The following FBXL7 variants were observed in gnomAD, a reference collection of about 807,000 sequenced individuals.
The protein encoded by FBXL7 is F-box/LRR-repeat protein 7.
A neutral mutation model predicts 38.3 loss-of-function variants in FBXL7; 12 were observed. The ratio of observed to expected loss-of-function variants is 0.31; its 90% confidence interval spans 0.20 to 0.51. The LOEUF is 0.51. FBXL7 is among the 20% of genes least tolerant of loss of function. FBXL7 has a pLI of 0.98. For missense variants in FBXL7, 567 were observed against 676.4 expected (o/e 0.84, Z 1.79); for synonymous variants, 297 against 300.9 (o/e 0.99, Z 0.13).
intron 1 of FBXL7, among the ~76,000 whole-genome samples, chr5:15,541,443 G>GTATATATATATATATATATA (rs56810372): frequency 2.6e-5 from 1 of 38,424 alleles, no homozygotes; most frequent in African/African-American, 9.4e-5. Flanking sequence ...GTGTGTGTGT[G>GTATATATATATATATATATA]TATATATATA....
At chr5:15,689,583 A>G (rs1743121688) in intron 2 of FBXL7, among the ~76,000 whole-genome samples, 1 of 152,228 alleles carries the variant, frequency 6.6e-6, no homozygotes, top group South Asian at 2.1e-4. Flanking sequence ...TCTATAAAAT[A>G]GAAAAATAAT....
In FBXL7 at chr5:15,937,078, C is replaced by A; in HGVS notation, c.1368C>A (p.Leu456=). ...TCGTGGCCGCCAACTGCTTTGACCT[C>A]CAGACGCTGAATGTCCAGGACTGCG... is the stretch of plus-strand genomic sequence containing the variant. ...LQIVAANCFD[L]QTLNVQDCEV... is the part of the protein sequence containing the mutation. Residue 456 remains leucine (L), a synonymous_variant, in exon 4 of 4, where the codon CTC becomes CTA. Transcript: ENST00000504595. 3.7e-6 allele frequency: 6 copies of A among 1,614,016 alleles called. No individual in the cohort carries two copies. Among genetic ancestry groups the A allele is most frequent in the Non-Finnish European group, 5.1e-6 (6 of 1,179,898 alleles).
At chr5:15,583,932 C>T (rs1739227562) in intron 1 of FBXL7, among the ~76,000 whole-genome samples, 1 of 152,230 alleles carries the variant, frequency 6.6e-6, no homozygotes, top group Admixed American at 6.5e-5. Flanking sequence ...CCAGGCATTT[C>T]CAAACATCCT....
At chr5:15,609,675 T>G (rs1169117254) in intron 1 of FBXL7, among the ~76,000 whole-genome samples, 5 of 152,208 alleles carry the variant, frequency 3.3e-5, no homozygotes, top group Non-Finnish European at 5.9e-5. Context: ...TGTGGTCATG[T>G]CAGTGTCACC....
At chr5:15,506,671 G>A (rs545233499) in intron 1 of FBXL7, among the ~76,000 whole-genome samples, 5 of 152,134 alleles carry the variant, frequency 3.3e-5, no homozygotes, top group African/African-American at 1.2e-4. Context: ...CTGAGTTGCA[G>A]ATTGCTGTCT....
At chr5:15,504,580 TCTC>T (rs1361523741) in intron 1 of FBXL7, among the ~76,000 whole-genome samples, 1 of 152,188 alleles carries the variant, frequency 6.6e-6, no homozygotes, top group African/African-American at 2.4e-5. Context: ...TGCAGCCCCA[TCTC>T]CTATTGCTGT....
At chr5:15,706,911 G>A (rs895196856) in intron 2 of FBXL7, among the ~76,000 whole-genome samples, 2 of 151,978 alleles carry the variant, frequency 1.3e-5, no homozygotes, top group African/African-American at 2.4e-5. Flanking sequence ...AGGTAAGACT[G>A]GGGAACTGAA....
At chr5:15,642,213 T>C (rs1741389026) in intron 2 of FBXL7, among the ~76,000 whole-genome samples, 1 of 152,168 alleles carries the variant, frequency 6.6e-6, no homozygotes, top group Non-Finnish European at 1.5e-5. Flanking sequence ...CCCTCTGCTA[T>C]TATGTGCTTA....
At chr5:15,622,323 C>T (rs547709339) in intron 2 of FBXL7, among the ~76,000 whole-genome samples, 56 of 150,916 alleles carry the variant, frequency 3.7e-4, no homozygotes, top group Non-Finnish European at 6.2e-4. Context: ...TTCTAGGGTA[C>T]GTGTGCACAA....
intron 2 of FBXL7, among the ~76,000 whole-genome samples, chr5:15,687,469 C>T (rs957662342): frequency 6.6e-6 from 1 of 152,170 alleles, no homozygotes; most frequent in Non-Finnish European, 1.5e-5. Flanking sequence ...ACTCACTGTT[C>T]CCAATGAGTG....
At chr5:15,704,143 G>C (rs533012582) in intron 2 of FBXL7, among the ~76,000 whole-genome samples, 4 of 152,320 alleles carry the variant, frequency 2.6e-5, no homozygotes, top group South Asian at 2.1e-4. Flanking sequence ...GGTGGAGGAA[G>C]TTGAGAAAGA....
At chr5:15,702,391 G>A (rs539514079) in intron 2 of FBXL7, among the ~76,000 whole-genome samples, 32 of 152,036 alleles carry the variant, frequency 2.1e-4, no homozygotes, top group Non-Finnish European at 2.6e-4. Flanking sequence ...TAAAAATGGC[G>A]GCATTGAAAG....
intron 2 of FBXL7, among the ~76,000 whole-genome samples, chr5:15,658,265 AT>A (rs1741943372): frequency 6.6e-6 from 1 of 152,102 alleles, no homozygotes; most frequent in Non-Finnish European, 1.5e-5. Flanking sequence ...TAATACATTT[AT>A]TTTTTGCTTA....
At chr5:15,541,952 C>T (rs997964205) in intron 1 of FBXL7, among the ~76,000 whole-genome samples, 2 of 147,760 alleles carry the variant, frequency 1.4e-5, no homozygotes, top group Admixed American at 1.3e-4. Context: ...TCCTTTCCTC[C>T]TTTTTTTTTT....
chr5:15,796,816 G>T (rs1240110727), intron 2 of FBXL7, among the ~76,000 whole-genome samples: 1 of 152,100 alleles, frequency 6.6e-6, no homozygotes, highest in Non-Finnish European at 1.5e-5. Flanking sequence ...GATTAGGTTG[G>T]CCAAGTCAAT....
chr5:15,852,084 G>C (rs1739114145), intron 2 of FBXL7, among the ~76,000 whole-genome samples: 1 of 152,042 alleles, frequency 6.6e-6, no homozygotes, highest in Non-Finnish European at 1.5e-5. Context: ...GTAGGGAGCT[G>C]ACATCTTGGT....
At chr5:15,668,260 T>G (rs973719166) in intron 2 of FBXL7, among the ~76,000 whole-genome samples, 3 of 152,166 alleles carry the variant, frequency 2.0e-5, no homozygotes, top group Non-Finnish European at 4.4e-5. Context: ...TTTGCATTGT[T>G]AACTGAAAAA....
At chr5:15,737,577 G>GA (rs1735788558) in intron 2 of FBXL7, among the ~76,000 whole-genome samples, 1 of 152,176 alleles carries the variant, frequency 6.6e-6, no homozygotes, top group African/African-American at 2.4e-5. Context: ...CAGGCTAAGA[G>GA]AAAGATCTTT....
intron 2 of FBXL7, among the ~76,000 whole-genome samples, chr5:15,765,327 A>G (rs1461440113): frequency 1.3e-5 from 2 of 152,118 alleles, no homozygotes; most frequent in African/African-American, 4.8e-5. Context: ...TCCCGAGGCC[A>G]TACCAAGATT....
Sources: gnomAD v4.1 joint callset for allele counts (sites outside exome capture counted in the v4.1 genomes callset) on GRCh38, gnomAD v4.1.1 for gene constraint, MANE v1.5 for transcripts, NCBI Gene and HGNC (gene_info 2026-07-23, HGNC 2026-07-21) for gene names.